The following FBXL20 variants were observed in gnomAD, a reference collection of about 807,000 sequenced individuals.
FBXL20 encodes F-box and leucine rich repeat protein 20.
FBXL20 carries 11 observed loss-of-function variants against 64.0 expected under a neutral mutation model. The observed-to-expected ratio is 0.17, with a 90% CI of 0.11 to 0.28. The LOEUF (loss-of-function observed/expected upper bound fraction) is 0.28, where lower values mean the gene tolerates loss of function less well. Among genes scored for constraint, FBXL20 ranks in the 10% least tolerant of loss-of-function variants. The pLI is 1.00. For missense variants in FBXL20, 303 were observed against 526.2 expected, an observed-to-expected ratio of 0.58 and a Z score of 4.15; for synonymous variants, 184 against 189.0, an observed-to-expected ratio of 0.97 and a Z score of 0.22.
rs200466911 is a variant in FBXL20 at position 39,343,694 on chromosome 17, T to TC, written c.43-454dup. ...CCAGCCCAGGCAACGTGGCGAAAACTCTTTTTTTTTTTTTTTTTTGAGACA... is the reference window on the plus strand; with the variant it reads ...CCAGCCCAGGCAACGTGGCGAAAACTCCTTTTTTTTTTTTTTTTTTGAGACA... On this transcript the variant is annotated intron_variant, in intron 1 of 14. Transcript: ENST00000264658. Among the ~76,000 whole-genome samples, 167 of 141,954 alleles carry TC rather than the reference T, an allele frequency of 1.2e-3. 4 individuals carry two copies. Among genetic ancestry groups the TC allele is most frequent in the East Asian group, 2.4e-3 (12 of 4,970 alleles). 93.1% of individuals were successfully genotyped at this position (141,954 alleles called of 152,430 possible). A position where few individuals can be genotyped will look rare whatever the true frequency, so the allele number is the denominator to read the frequency against.
chr17:39,374,211 C>A (rs1481619116), intron 1 of FBXL20, among the ~76,000 whole-genome samples: 1 of 146,338 alleles, frequency 6.8e-6, no homozygotes, highest in Non-Finnish European at 1.5e-5. Context: ...GGCGACAAAG[C>A]AAAACTACGT....
chr17:39,266,575 G>A (rs1342311350), intron 12 of FBXL20, among the ~76,000 whole-genome samples: 1 of 152,132 alleles, frequency 6.6e-6, no homozygotes, highest in Non-Finnish European at 1.5e-5. Flanking sequence ...TCGAACTCCT[G>A]GCCTCAGGTG....
At chr17:39,342,543 G>A (rs762333093) in intron 2 of FBXL20, among the ~76,000 whole-genome samples, 11 of 152,070 alleles carry the variant, frequency 7.2e-5, no homozygotes, top group Admixed American at 1.3e-4. Flanking sequence ...GTGAAATCCC[G>A]TCTCTACTAA....
At chr17:39,292,606 A>G (rs1953217969) in intron 6 of FBXL20, among the ~76,000 whole-genome samples, 1 of 149,426 alleles carries the variant, frequency 6.7e-6, no homozygotes, top group Non-Finnish European at 1.5e-5. Flanking sequence ...TATTTCAGTC[A>G]CTTCTGGGTC....
rs985016285 is a variant in FBXL20, at chr17:39,340,700, T to TA, written c.104+2479dup. 1.3e-3 allele frequency among the ~76,000 whole-genome samples: 186 copies of TA among 148,082 alleles called. 1 individual carries two copies. Among genetic ancestry groups the TA allele is most frequent in the Non-Finnish European group, 2.2e-3 (146 of 66,782 alleles). ...ATGAAAACTTAAAAATAAGAACATC[T>TA]AAAAAAAAAAGATACATAAAAGCCT... is the stretch of plus-strand genomic sequence containing the variant. On this transcript the variant is annotated intron_variant, in intron 2 of 14. Transcript: ENST00000264658.
At chr17:39,396,381 A>G (rs1443803334) in intron 1 of FBXL20, among the ~76,000 whole-genome samples, 1 of 150,500 alleles carries the variant, frequency 6.6e-6, no homozygotes, top group East Asian at 2.0e-4. Context: ...GTATCACCTG[A>G]GGTCAGTAGT....
intron 1 of FBXL20, among the ~76,000 whole-genome samples, chr17:39,344,581 T>C (rs1205771668): frequency 4.0e-5 from 6 of 150,928 alleles, no homozygotes; most frequent in African/African-American, 1.5e-4. Flanking sequence ...AGGTGAGGAG[T>C]TCGAGACCAG....
chr17:39,321,196 G>A (rs942588859), intron 2 of FBXL20, among the ~76,000 whole-genome samples: 1 of 152,098 alleles, frequency 6.6e-6, no homozygotes, highest in Admixed American at 6.6e-5. Context: ...GCTCACGCTT[G>A]TAATCCCAGC....
intron 2 of FBXL20, among the ~76,000 whole-genome samples, chr17:39,334,603 G>C (rs528253487): frequency 6.6e-6 from 1 of 151,870 alleles, no homozygotes; most frequent in East Asian, 1.9e-4. Context: ...CCCAACACCA[G>C]AAGAGTTGAA....
At chr17:39,341,774 C>T (rs986054982) in intron 2 of FBXL20, among the ~76,000 whole-genome samples, 3 of 152,304 alleles carry the variant, frequency 2.0e-5, no homozygotes, top group African/African-American at 7.2e-5. Flanking sequence ...AAAAAAACCA[C>T]TGAGATTTAC....
chr17:39,310,178 C>T (rs141011999), intron 2 of FBXL20, among the ~76,000 whole-genome samples: 9 of 148,830 alleles, frequency 6.0e-5, no homozygotes, highest in Admixed American at 1.3e-4. Context: ...AGAAAAGAAA[C>T]GAAACAACTT....
In FBXL20 at chr17:39,253,111, G is replaced by A; in HGVS notation, c.*8349C>T. On this transcript the variant is annotated 3_prime_UTR_variant, in exon 15 of 15. Transcript: ENST00000264658. ...CCACCTCTGCATTTTACCCCCTCAG[G>A]GGAGTGAGTGGGGGTGCGGGGTGCA... 6.5e-6 allele frequency: 1 copy of A among 153,034 alleles called. No homozygotes were observed. Among genetic ancestry groups the A allele is most frequent in the Non-Finnish European group, 1.5e-5 (1 of 68,548 alleles). The allele number at this position is 153,034 out of a possible 1,614,324, so 9.5% of individuals were successfully genotyped here.
At chr17:39,371,294 T>C (rs1330781569) in intron 1 of FBXL20, among the ~76,000 whole-genome samples, 1 of 152,224 alleles carries the variant, frequency 6.6e-6, no homozygotes, top group Non-Finnish European at 1.5e-5. Context: ...GCTTATATAC[T>C]TTTTTTAAAA....
chr17:39,272,384 CA>C lies in FBXL20; in HGVS notation c.828-1529del, dbSNP rs61446377. ...CTGGCAACAGAGCGAGACTTTGTCT[CA>C]AAAAAAAAAAAAAAAAATTTTTTTT... is the stretch of plus-strand genomic sequence containing the variant. On this transcript the variant is annotated intron_variant, in intron 10 of 14. Coordinates refer to ENST00000264658, the MANE Select transcript of FBXL20 (RefSeq NM_032875.3). Among the ~76,000 whole-genome samples, 902 of 130,996 alleles carry C rather than the reference CA, an allele frequency of 6.9e-3. 7 individuals are homozygous for C. Among genetic ancestry groups the C allele is most frequent in the African/African-American group, 0.026 (816 of 31,180 alleles). The allele number at this position is 130,996 out of a possible 152,430, so 85.9% of individuals were successfully genotyped here.
chr17:39,361,594 G>A (rs1361934046), intron 1 of FBXL20, among the ~76,000 whole-genome samples: 2 of 151,842 alleles, frequency 1.3e-5, no homozygotes, highest in Admixed American at 6.6e-5. Flanking sequence ...TCAGGAGATC[G>A]AGACCATCCT....
intron 1 of FBXL20, among the ~76,000 whole-genome samples, chr17:39,400,341 G>A (rs2144695234): frequency 6.6e-6 from 1 of 152,270 alleles, no homozygotes; most frequent in South Asian, 2.1e-4. Flanking sequence ...CCTGAACCTA[G>A]TTGTCGAGTT....
intron 6 of FBXL20, among the ~76,000 whole-genome samples, chr17:39,288,968 G>A (rs954796079): frequency 1.3e-5 from 2 of 152,200 alleles, no homozygotes; most frequent in Non-Finnish European, 2.9e-5. Flanking sequence ...CTCCCAAAGT[G>A]CTGGGATTAC....
At chr17:39,305,209 A>C (rs558837410) in intron 2 of FBXL20, among the ~76,000 whole-genome samples, 1 of 152,384 alleles carries the variant, frequency 6.6e-6, no homozygotes, top group Admixed American at 6.5e-5. Context: ...AGATCTCTAC[A>C]TATTTCATTC....
chr17:39,316,294 TACACACAC>T (rs34083114), intron 2 of FBXL20, among the ~76,000 whole-genome samples: 1 of 150,110 alleles, frequency 6.7e-6, no homozygotes, highest in Admixed American at 6.7e-5. Context: ...CATCTACATA[TACACACAC>T]ACACACACAC....
Sources: gnomAD v4.1 joint callset for allele counts (sites outside exome capture counted in the v4.1 genomes callset) on GRCh38, gnomAD v4.1.1 for gene constraint, MANE v1.5 for transcripts, NCBI Gene and HGNC (gene_info 2026-07-23, HGNC 2026-07-21) for gene names.